MLIP: variants seen among roughly 807,000 people sequenced by gnomAD.
The protein encoded by MLIP is muscular LMNA-interacting protein.
A neutral mutation model predicts 84.8 loss-of-function variants in MLIP; 79 were observed. That is an observed-to-expected ratio of 0.93 (90% CI 0.78 to 1.12). The LOEUF (loss-of-function observed/expected upper bound fraction) is 1.12. Ranked by LOEUF, MLIP falls within the 50% of genes most tolerant of loss-of-function variation. The pLI is 0.00. For missense variants in MLIP, 1,257 were observed against 1,160.6 expected (o/e 1.08, Z -1.21); for synonymous variants, 504 against 463.0 (o/e 1.09, Z -1.14).
At chr6:54,148,978 T>G (rs1361673515) in intron 4 of MLIP, 78 bp from the exon 5 acceptor site, 1 of 1,206,388 alleles carries the variant, frequency 8.3e-7, no homozygotes, top group Non-Finnish European at 1.2e-6. Flanking sequence ...TCATTTAACT[T>G]GGTAGAACTG....
intron 1 of MLIP, among the ~76,000 whole-genome samples, chr6:54,105,434 T>A (rs1316064523): frequency 1.3e-5 from 2 of 152,316 alleles, no homozygotes; most frequent in Non-Finnish European, 1.5e-5. Flanking sequence ...AAAAATAAGT[T>A]TATATGATAA....
At chr6:54,115,578 TA>T (rs948466616) in intron 1 of MLIP, among the ~76,000 whole-genome samples, 1 of 152,030 alleles carries the variant, frequency 6.6e-6, no homozygotes, top group African/African-American at 2.4e-5. Context: ...TACAATATTA[TA>T]AAAAATACCC....
intron 1 of MLIP, among the ~76,000 whole-genome samples, chr6:54,111,844 T>C (rs1441670041): frequency 2.0e-5 from 3 of 152,188 alleles, no homozygotes; most frequent in Non-Finnish European, 4.4e-5. Flanking sequence ...CTAGAGGCCA[T>C]CTGCGAGTGT....
At position 54,230,800 on chromosome 6, in the gene MLIP, A is replaced by T; in HGVS notation, c.2805A>T (p.Pro935=). The change falls in exon 12 of 14, where the codon CCA becomes CCT. Residue 935 remains proline (P), a synonymous_variant. Transcript: ENST00000502396. ...CTCCTGCTAAGTCACTGCTGCATCC[A>T]CAGACCCTCTCACATGCTGACTGTC... is the stretch of plus-strand genomic sequence containing the variant. ...LYPPAKSLLH[P]QTLSHADCLA... The T allele has an allele frequency of 6.2e-7, 1 of 1,614,022 alleles. No homozygotes were observed.
Position 54,158,590 on chromosome 6 carries a change from A to G in MLIP, c.2290-1777A>G, listed in dbSNP as rs865934204. On this transcript the variant is annotated intron_variant, in intron 5 of 13. Transcript: ENST00000502396. ...GTAAAATACCTATAATCGATGATCA[A>G]TTTAAAAATGGATTAAAAAACAAGT... is the stretch of plus-strand genomic sequence containing the variant. Among the ~76,000 whole-genome samples, 4 of 152,082 alleles carry G rather than the reference A, an allele frequency of 2.6e-5. No individual in the cohort carries two copies. In the East Asian group the frequency reaches 7.7e-4, roughly 29 times the overall value.
chr6:54,051,752 T>TG (rs1765384994), intron 1 of MLIP, among the ~76,000 whole-genome samples: 1 of 152,164 alleles, frequency 6.6e-6, no homozygotes, highest in African/African-American at 2.4e-5. Context: ...TGGAAGATCT[T>TG]GATGGTCTTA....
At chr6:54,033,044 A>ACAT (rs1258253250) in intron 1 of MLIP, among the ~76,000 whole-genome samples, 1 of 152,204 alleles carries the variant, frequency 6.6e-6, no homozygotes, top group East Asian at 1.9e-4. Context: ...CTTTTACAAA[A>ACAT]CATCTTTAAT....
intron 1 of MLIP, among the ~76,000 whole-genome samples, chr6:54,022,787 A>G (rs1763568187): frequency 6.6e-6 from 1 of 152,204 alleles, no homozygotes; most frequent in Non-Finnish European, 1.5e-5. Flanking sequence ...TCTCATGCAT[A>G]AATTTAATAA....
chr6:54,111,226 T>C (rs987681544), upstream of MLIP, among the ~76,000 whole-genome samples: 3 of 152,228 alleles, frequency 2.0e-5, no homozygotes, highest in Admixed American at 6.5e-5. Flanking sequence ...TTTTTCTTTT[T>C]CTTTTTCTTT....
intron 8 of MLIP, among the ~76,000 whole-genome samples, chr6:54,163,144 T>C (rs1255020013): frequency 6.6e-6 from 1 of 152,036 alleles, no homozygotes; most frequent in East Asian, 1.9e-4. Flanking sequence ...TATCAGCATA[T>C]ATAATCATTT....
rs551285297 is a variant in MLIP, at chr6:54,099,460, T to G, written c.64-21987T>G. On this transcript the variant is annotated intron_variant, in intron 1 of 12. Coordinates refer to the MLIP transcript ENST00000274897. ...AGAATATCTCAAAGCTATTTTCACA[T>G]AGTTTGAAGGCTCGCCCATCTCCTA... 1.4e-4 allele frequency: 21 copies of G among 152,206 alleles called. No homozygotes were observed. The South Asian group carries it at 2.3e-3, about 17-fold the overall frequency. The allele number at this position is 152,206 out of a possible 1,614,324, so 9.4% of individuals were successfully genotyped here.
At chr6:54,259,688 G>GT (rs1274393314) in intron 13 of MLIP, among the ~76,000 whole-genome samples, 12 of 151,970 alleles carry the variant, frequency 7.9e-5, no homozygotes, top group Non-Finnish European at 1.8e-4. Context: ...GTCATTTACA[G>GT]TTTGAAGTTT....
intron 10 of MLIP, among the ~76,000 whole-genome samples, chr6:54,190,796 C>A (rs373808616): frequency 1.5e-5 from 2 of 133,750 alleles, no homozygotes; most frequent in Non-Finnish European, 3.3e-5. Flanking sequence ...CAAAGATTTT[C>A]TTTTTTTTTT....
intron 11 of MLIP, among the ~76,000 whole-genome samples, chr6:54,226,825 G>A (rs1239610766): frequency 3.3e-5 from 5 of 152,172 alleles, no homozygotes; most frequent in African/African-American, 1.2e-4. Flanking sequence ...ACACAAGATT[G>A]CAGAAACAAA....
chr6:54,081,692 C>T (rs546049120), intron 1 of MLIP, among the ~76,000 whole-genome samples: 13 of 152,250 alleles, frequency 8.5e-5, no homozygotes, highest in South Asian at 6.2e-4. Flanking sequence ...GGATTACAGA[C>T]GTGAGGCACC....
Position 54,137,159 on chromosome 6 carries a change from A to G in MLIP, c.1090A>G (p.Ile364Val), listed in dbSNP as rs556082797. ...ASLKSNSASY[I>V]PVRIVTHSLS... is the part of the protein sequence containing the mutation. ...TCTGAAGTCGAATTCGGCCTCGTAC[A>G]TACCAGTCCGCATTGTCACGCATTC... The change falls in exon 4 of 14, where the codon ATA (isoleucine) becomes GTA (valine). Residue 364 changes from isoleucine to valine, a missense_variant. Coordinates refer to ENST00000502396, the MANE Select transcript of MLIP (RefSeq NM_001281747.2). 2.6e-6 allele frequency: 4 copies of G among 1,535,984 alleles called. No homozygotes were observed. The East Asian group carries it at 9.8e-5, about 38-fold the overall frequency.
intron 12 of MLIP, among the ~76,000 whole-genome samples, chr6:54,245,153 C>G (rs906538294): frequency 2.6e-5 from 4 of 152,182 alleles, no homozygotes; most frequent in Non-Finnish European, 4.4e-5. Flanking sequence ...GCCACCTGTC[C>G]CTTCTCCTTC....
At chr6:54,117,549 G>A (rs1250753862) in intron 1 of MLIP, among the ~76,000 whole-genome samples, 1 of 151,906 alleles carries the variant, frequency 6.6e-6, no homozygotes, top group Non-Finnish European at 1.5e-5. Flanking sequence ...AGGACTGGAA[G>A]TCCTAGCCAC....
intron 1 of MLIP, among the ~76,000 whole-genome samples, chr6:54,099,391 A>G (rs139311312): frequency 3.3e-5 from 5 of 152,166 alleles, no homozygotes; most frequent in Middle Eastern, 3.4e-3. Flanking sequence ...TTTTTTGTGT[A>G]TCAAATTCCT....
Sources: allele counts gnomAD v4.1 joint callset (sites outside exome capture counted in the v4.1 genomes callset), GRCh38; gene constraint gnomAD v4.1.1; transcripts MANE v1.5; gene names NCBI Gene and HGNC (gene_info 2026-07-23, HGNC 2026-07-21).